The following ZNF487 variants were observed in gnomAD, a reference collection of about 807,000 sequenced individuals.
ZNF487 encodes the protein zinc finger protein 487.
In ZNF487, 4 loss-of-function variants were observed where a neutral mutation model predicts 3.0. The observed-to-expected ratio is 1.35, with a 90% CI of 0.66 to 3.08. The LOEUF is 3.08. Ranked by LOEUF, ZNF487 falls within the 30% of genes most tolerant of loss-of-function variation. The probability of loss-of-function intolerance (pLI) is 0.01; values close to 1 mark genes in which losing one functional copy is unlikely to be tolerated. For synonymous variants in ZNF487, 55 were observed against 34.6 expected (o/e 1.59, Z -2.06); for missense variants, 146 against 98.7 (o/e 1.48, Z -2.03).
intron 1 of ZNF487, among the ~76,000 whole-genome samples, chr10:43,471,559 C>T (rs1840909825): frequency 6.6e-6 from 1 of 152,132 alleles, no homozygotes; most frequent in Admixed American, 6.6e-5. Context: ...AAGAATGTCA[C>T]ATGGGCAAAC....
At chr10:43,508,623 A>G in the ZNF487 span, among the ~76,000 whole-genome samples, 2 of 152,104 alleles carry the variant, frequency 1.3e-5, no homozygotes, top group Non-Finnish European at 2.9e-5. Context: ...AGCCTGGCCA[A>G]CATGGCAAAA....
chr10:43,501,253 G>A, the ZNF487 span, among the ~76,000 whole-genome samples: 1 of 152,156 alleles, frequency 6.6e-6, no homozygotes. Context: ...TACCATGCAT[G>A]GATCTTGCAG....
chr10:43,509,770 C>T, the ZNF487 span, among the ~76,000 whole-genome samples: 1 of 151,928 alleles, frequency 6.6e-6, no homozygotes, highest in African/African-American at 2.4e-5. Context: ...TTTCCCAGCC[C>T]ACTGACTCAA....
the ZNF487 span, among the ~76,000 whole-genome samples, chr10:43,504,917 G>A: frequency 2.0e-5 from 3 of 151,620 alleles, no homozygotes; most frequent in Non-Finnish European, 4.4e-5. Flanking sequence ...TGTTGCCAAA[G>A]GTGGTCTCAA....
chr10:43,464,209 C>A (rs1316621269), intron 1 of ZNF487, among the ~76,000 whole-genome samples: 2 of 143,624 alleles, frequency 1.4e-5, no homozygotes, highest in African/African-American at 5.2e-5. Flanking sequence ...TTTGAGACAA[C>A]GTCTCACTGT....
chr10:43,445,280 C>T (rs1839757659), intron 1 of ZNF487, among the ~76,000 whole-genome samples: 1 of 152,094 alleles, frequency 6.6e-6, no homozygotes, highest in Admixed American at 6.6e-5. Context: ...TGAATCACCA[C>T]AACTGGCCCA....
chr10:43,513,123 C>T, the ZNF487 span, among the ~76,000 whole-genome samples: 6 of 152,274 alleles, frequency 3.9e-5, no homozygotes, highest in East Asian at 1.9e-4. Context: ...TGATATCTTG[C>T]GGCAGCGAAA....
chr10:43,510,623 C>G, the ZNF487 span, among the ~76,000 whole-genome samples: 3 of 152,200 alleles, frequency 2.0e-5, no homozygotes, highest in Admixed American at 1.3e-4. Context: ...TCTTGGTTCA[C>G]TGCAACCTCT....
the ZNF487 span, among the ~76,000 whole-genome samples, chr10:43,515,680 G>T: frequency 6.6e-6 from 1 of 152,064 alleles, no homozygotes; most frequent in African/African-American, 2.4e-5. Context: ...CACAATTTTC[G>T]CTCTTTCTCT....
At chr10:43,450,106 C>A (rs185655922) in intron 1 of ZNF487, among the ~76,000 whole-genome samples, 2 of 151,378 alleles carry the variant, frequency 1.3e-5, no homozygotes, top group African/African-American at 4.9e-5. Context: ...TGCAATGGCA[C>A]GTTCTTGGCT....
intron 3 of ZNF487, among the ~76,000 whole-genome samples, chr10:43,477,850 G>A (rs2132142377): frequency 6.6e-6 from 1 of 152,040 alleles, no homozygotes; most frequent in South Asian, 2.1e-4. Context: ...TATTCAGGAA[G>A]CTGAGGCAGG....
intron 1 of ZNF487, among the ~76,000 whole-genome samples, chr10:43,446,001 G>T (rs1269870316): frequency 6.6e-6 from 1 of 152,182 alleles, no homozygotes; most frequent in Non-Finnish European, 1.5e-5. Flanking sequence ...TGGGAGTAAG[G>T]TTATAGATTA....
the ZNF487 span, among the ~76,000 whole-genome samples, chr10:43,521,921 A>AT: frequency 1.3e-5 from 1 of 78,010 alleles, no homozygotes; most frequent in East Asian, 0.012. Context: ...ATATATACAA[A>AT]AAGAGTTGTG....
intron 1 of ZNF487, among the ~76,000 whole-genome samples, chr10:43,447,274 G>C (rs1406773306): frequency 2.7e-5 from 2 of 72,930 alleles, no homozygotes; most frequent in African/African-American, 2.0e-4. Context: ...ACAGAGTCTC[G>C]CTCTGTTGCC....
chr10:43,497,300 T>C, the ZNF487 span, among the ~76,000 whole-genome samples: 1 of 152,216 alleles, frequency 6.6e-6, no homozygotes. Context: ...TGGTGTGATA[T>C]TTTAGCAAAT....
intron 1 of ZNF487, chr10:43,458,029 AAACAAC>A (rs931595916): frequency 7.0e-6 from 1 of 142,362 alleles, no homozygotes; most frequent in Non-Finnish European, 1.5e-5. Flanking sequence ...CTCAATAAAA[AAACAAC>A]AACAACAAAA....
intron 1 of ZNF487, among the ~76,000 whole-genome samples, chr10:43,441,002 G>A (rs1289750581): frequency 2.2e-5 from 3 of 137,078 alleles, no homozygotes; most frequent in Non-Finnish European, 4.6e-5. Context: ...AAGTAGCTAG[G>A]ACCACAGGTA....
At chr10:43,488,557 A>G in the ZNF487 span, among the ~76,000 whole-genome samples, 1 of 152,176 alleles carries the variant, frequency 6.6e-6, no homozygotes, top group South Asian at 2.1e-4. Context: ...AAAAATATAA[A>G]CAGCTTTGAG....
the ZNF487 span, among the ~76,000 whole-genome samples, chr10:43,498,099 A>AT: frequency 1.6e-3 from 32 of 20,188 alleles, no homozygotes; most frequent in Non-Finnish European, 2.0e-3. Context: ...ATATATATAT[A>AT]TTTTTTTTTT....
Sources: allele counts gnomAD v4.1 joint callset (sites outside exome capture counted in the v4.1 genomes callset), GRCh38; gene constraint gnomAD v4.1.1; transcripts MANE v1.5; gene names NCBI Gene and HGNC (gene_info 2026-07-23, HGNC 2026-07-21).